Variants in KIAA2012 observed in about 807,000 individuals in gnomAD.
KIAA2012 encodes uncharacterized protein KIAA2012.
In KIAA2012, 125 loss-of-function variants were observed where a neutral mutation model predicts 150.6. That is an observed-to-expected ratio of 0.83 (90% CI 0.72 to 0.96). KIAA2012 has a LOEUF of 0.96. Ranked by LOEUF, KIAA2012 falls within the 40% of genes least tolerant of loss-of-function variation. The pLI, the probability that KIAA2012 is intolerant of heterozygous loss-of-function variation, is 0.00. For missense variants in KIAA2012, 1,219 were observed against 1,354.9 expected (o/e 0.90, Z 1.57); for synonymous variants, 462 against 504.7 (o/e 0.92, Z 1.13).
chr2:202,110,803 C>A (rs138716218), intron 10 of KIAA2012, among the ~76,000 whole-genome samples: 3 of 152,210 alleles, frequency 2.0e-5, no homozygotes, highest in East Asian at 3.9e-4. Flanking sequence ...CAGCACACCC[C>A]CTTCTCATTC....
At chr2:202,165,143 G>T in intron 14 of KIAA2012, 141 bp from the exon 15 acceptor site, 1 of 732,680 alleles carries the variant, frequency 1.4e-6, no homozygotes, top group Non-Finnish European at 2.2e-6. Flanking sequence ...GGAGACTTAA[G>T]TAAAAAGTTG....
intron 11 of KIAA2012, chr2:202,116,079 A>C (rs966693324): frequency 2.0e-5 from 3 of 152,192 alleles, no homozygotes; most frequent in Non-Finnish European, 4.4e-5. Context: ...CCTTGATTCA[A>C]ATCCTTCATC....
At chr2:202,087,510 C>CAA (rs59728832) in intron 2 of KIAA2012, among the ~76,000 whole-genome samples, 2,101 of 51,936 alleles carry the variant, frequency 0.04, 142 homozygotes, top group Admixed American at 0.075. Flanking sequence ...GAAACCATCT[C>CAA]AAAAAAAAAA....
At chr2:202,111,744 T>C (rs896625575) in intron 10 of KIAA2012, among the ~76,000 whole-genome samples, 5 of 152,160 alleles carry the variant, frequency 3.3e-5, no homozygotes, top group Non-Finnish European at 7.3e-5. Flanking sequence ...TATTCAGTCC[T>C]GTGAATGTAT....
intron 14 of KIAA2012, among the ~76,000 whole-genome samples, chr2:202,162,985 A>G (rs559292644): frequency 4.4e-4 from 67 of 151,532 alleles, no homozygotes; most frequent in Middle Eastern, 3.4e-3. Flanking sequence ...ATCATATTCC[A>G]TTGTATAAGC....
chr2:202,132,802 A>ATATATTTTT lies in KIAA2012; in HGVS notation c.1832-5629_1832-5628insATATTTTTT, dbSNP rs1473790947. ...TATATATATGCGTATATATATATAT[A>ATATATTTTT]TTTTTTTTTTCAGGCCAGGCACAGT... On this transcript the variant is annotated intron_variant, in intron 12 of 23. Transcript: ENST00000498697. Among the ~76,000 whole-genome samples, 85 of 94,688 alleles carry ATATATTTTT rather than the reference A, an allele frequency of 9.0e-4. 1 individual carries two copies. Among genetic ancestry groups the ATATATTTTT allele is most frequent in the African/African-American group, 3.0e-3 (82 of 27,630 alleles). 62.1% of individuals were successfully genotyped at this position (94,688 alleles called of 152,430 possible).
At chr2:202,108,287 C>G (rs760040494) in intron 9 of KIAA2012, among the ~76,000 whole-genome samples, 2 of 152,210 alleles carry the variant, frequency 1.3e-5, no homozygotes, top group Admixed American at 6.5e-5. Flanking sequence ...AATCCCTTAT[C>G]AGCACGTATC....
chr2:202,106,514 G>A (rs940957224), intron 9 of KIAA2012, among the ~76,000 whole-genome samples: 6 of 151,942 alleles, frequency 3.9e-5, no homozygotes, highest in South Asian at 4.2e-4. Flanking sequence ...GTGAAACCCC[G>A]TCTCTACTAA....
chr2:202,133,426 TGAGA>T (rs1691002543), intron 12 of KIAA2012, among the ~76,000 whole-genome samples: 1 of 152,104 alleles, frequency 6.6e-6, no homozygotes, highest in South Asian at 2.1e-4. Flanking sequence ...TATGAACTTT[TGAGA>T]GAGATTGGTA....
chr2:202,091,130 G>A (rs1002498199), intron 3 of KIAA2012, among the ~76,000 whole-genome samples: 8 of 152,250 alleles, frequency 5.3e-5, no homozygotes, highest in Non-Finnish European at 1.2e-4. Flanking sequence ...GCAGAGGGAA[G>A]AACGGCCTGA....
chr2:202,188,649 A>G (rs151118898), intron 18 of KIAA2012, among the ~76,000 whole-genome samples: 7 of 152,324 alleles, frequency 4.6e-5, no homozygotes, highest in African/African-American at 7.2e-5. Flanking sequence ...GGTGACTTAC[A>G]TAATATCAAG....
intron 22 of KIAA2012, among the ~76,000 whole-genome samples, chr2:202,199,493 T>C (rs944356045): frequency 6.6e-6 from 1 of 152,222 alleles, no homozygotes; most frequent in African/African-American, 2.4e-5. Context: ...ATAGTCTTTA[T>C]TCTACATTTT....
At chr2:202,146,134 T>C (rs1691289421) in intron 13 of KIAA2012, among the ~76,000 whole-genome samples, 1 of 152,174 alleles carries the variant, frequency 6.6e-6, no homozygotes, top group Non-Finnish European at 1.5e-5. Context: ...TCAGGACTAA[T>C]AGGGCCCCTT....
At chr2:202,087,042 G>A (rs992063229) in intron 2 of KIAA2012, among the ~76,000 whole-genome samples, 4 of 152,154 alleles carry the variant, frequency 2.6e-5, no homozygotes, top group East Asian at 1.9e-4. Flanking sequence ...ACTGCTCACT[G>A]GTCAAATCCT....
At chr2:202,113,272 G>C (rs907673829) in intron 10 of KIAA2012, 64 bp from the exon 11 acceptor site, 3 of 1,285,550 alleles carry the variant, frequency 2.3e-6, no homozygotes, top group African/African-American at 3.0e-5. Flanking sequence ...ACATGGCCCA[G>C]GTTTGGTCTG....
intron 10 of KIAA2012, among the ~76,000 whole-genome samples, chr2:202,112,668 G>A (rs1039138637): frequency 6.6e-6 from 1 of 152,212 alleles, no homozygotes; most frequent in Non-Finnish European, 1.5e-5. Flanking sequence ...ACAACCAGTT[G>A]GTATCTGCTG....
intron 9 of KIAA2012, among the ~76,000 whole-genome samples, chr2:202,107,515 A>C (rs1203315242): frequency 3.3e-5 from 5 of 152,184 alleles, no homozygotes; most frequent in African/African-American, 4.8e-5. Context: ...GATAAAGGAC[A>C]CTAGTGAATT....
In KIAA2012 at chr2:202,181,925, A is replaced by T. The variant is rs1411296581; in HGVS notation, c.2120-2828A>T. Among the ~76,000 whole-genome samples, 4 of 152,156 alleles carry T rather than the reference A, an allele frequency of 2.6e-5. No individual in the cohort carries two copies. The East Asian group carries it at 7.7e-4, about 29-fold the overall frequency. On this transcript the variant is annotated intron_variant, in intron 15 of 23. Coordinates refer to ENST00000498697, the MANE Select transcript of KIAA2012 (RefSeq NM_001277372.4). ...TTTTCAAATTGTACAATTCCCATGA[A>T]ACCGTCACCACAATCGAAATACAAT...
rs2105927094 is a variant in KIAA2012, at chr2:202,109,666, A to C, written c.1528A>C (p.Ile510Leu). The C allele has an allele frequency of 6.4e-7, 1 of 1,550,448 alleles. No homozygotes were observed. Among genetic ancestry groups the C allele is most frequent in the Non-Finnish European group, 8.7e-7 (1 of 1,146,906 alleles). Reference sequence around the variant, plus strand: ...CCCACCATTGGATCTTCTACCCCCGATTAAAGGAAAAAAAAGTCCTGAGAG... The same window carrying C: ...CCCACCATTGGATCTTCTACCCCCGCTTAAAGGAAAAAAAAGTCCTGAGAG... Reference protein sequence around the residue: ...VAPPLDLLPPIKGKKSPESQK... With the variant: ...VAPPLDLLPPLKGKKSPESQK... The change falls in exon 10 of 24, where the codon ATT (isoleucine) becomes CTT (leucine). Residue 510 changes from isoleucine to leucine, a missense_variant. Physicochemically the swap from Ile to Leu is conservative, Grantham distance 5 (BLOSUM62 2). Transcript: ENST00000498697.
Sources: gnomAD v4.1 joint callset for allele counts (sites outside exome capture counted in the v4.1 genomes callset) on GRCh38, gnomAD v4.1.1 for gene constraint, MANE v1.5 for transcripts, NCBI Gene and HGNC (gene_info 2026-07-23, HGNC 2026-07-21) for gene names.